NTF3: variants seen among roughly 807,000 people sequenced by gnomAD.
The protein encoded by NTF3 is neurotrophin-3.
In NTF3, 8 loss-of-function variants were observed where a neutral mutation model predicts 26.3. That is an observed-to-expected ratio of 0.30 (90% CI 0.18 to 0.55). The LOEUF (loss-of-function observed/expected upper bound fraction) is 0.55. NTF3 is among the 20% of genes least tolerant of loss of function. The pLI is 0.93. For synonymous variants in NTF3, 154 were observed against 145.5 expected, an observed-to-expected ratio of 1.06 and a Z score of -0.42; for missense variants, 276 against 352.9, an observed-to-expected ratio of 0.78 and a Z score of 1.75.
rs1369271933 is a variant in NTF3 at position 5,494,194 on chromosome 12, A to C, written c.19A>C (p.Ile7Leu). The change falls in exon 2 of 2, where the codon ATC (isoleucine) becomes CTC (leucine). Residue 7 changes from isoleucine (I) to leucine (L), a missense_variant and splice_region_variant. Ile to Leu is a conservative substitution (Grantham distance 5). Around this residue, in one of 3 missense-constraint regions of NTF3, gnomAD observed 221 missense variants for 258.2 expected, o/e 0.86. Transcript: ENST00000423158. This position sits in a 1 kb window ranked among gnomAD's most constrained non-coding sequence, Gnocchi z 8.3. MVTFAT[I>L]LQVNKVMSIL... ...CTTAACACCTGTGTTTCCTTTTCAGATCTTACAGGTGAACAAGGTGATGTC... is the reference window on the plus strand; with the variant it reads ...CTTAACACCTGTGTTTCCTTTTCAGCTCTTACAGGTGAACAAGGTGATGTC... 4.3e-6 allele frequency: 7 copies of C among 1,611,824 alleles called. No individual in the cohort carries two copies. Among genetic ancestry groups the C allele is most frequent in the Admixed American group, 1.7e-5 (1 of 59,994 alleles).
intron 1 of NTF3, among the ~76,000 whole-genome samples, chr12:5,484,921 A>G (rs1940850238): frequency 6.6e-6 from 1 of 152,256 alleles, no homozygotes; most frequent in Non-Finnish European, 1.5e-5. Context: ...AGATCAAAAC[A>G]GGGGATGTGC....
chr12:5,452,725 G>C (rs1263222873), intron 1 of NTF3, among the ~76,000 whole-genome samples: 1 of 152,204 alleles, frequency 6.6e-6, no homozygotes, highest in Non-Finnish European at 1.5e-5. Context: ...TGGCCTGTGT[G>C]TACTCACGCA....
Position 5,494,975 on chromosome 12 carries a change from T to C in NTF3, c.800T>C (p.Ile267Thr), listed in dbSNP as rs568934166. The stretch of plus-strand genomic sequence containing the variant: ...TGTGTGTGTGCCTTGTCGAGAAAAA[T>C]CGGAAGAACATGAATTGGCATCTCT... The part of the protein sequence containing the change: ...TSCVCALSRK[I>T]GRT Residue 267 changes from isoleucine (I) to threonine (T), a missense_variant, in exon 2 of 2, where the codon ATC (isoleucine) becomes ACC (threonine). Coordinates refer to ENST00000423158, the MANE Select transcript of NTF3 (RefSeq NM_001102654.2). The surrounding 1 kb of genome is among the most constrained non-coding windows in gnomAD (Gnocchi z 8.3). 1 of 1,613,874 alleles carries C rather than the reference T, an allele frequency of 6.2e-7. No homozygotes were observed. Among genetic ancestry groups the C allele is most frequent in the East Asian group, 2.2e-5 (1 of 44,872 alleles).
At chr12:5,491,462 T>A (rs1940935211) in intron 1 of NTF3, among the ~76,000 whole-genome samples, 1 of 152,082 alleles carries the variant, frequency 6.6e-6, no homozygotes, top group Non-Finnish European at 1.5e-5. Flanking sequence ...CAGGCTGAGG[T>A]TGCAAGGAAG....
chr12:5,449,741 A>G (rs1940350324), intron 1 of NTF3, among the ~76,000 whole-genome samples: 6 of 152,230 alleles, frequency 3.9e-5, no homozygotes, highest in Non-Finnish European at 8.8e-5. Flanking sequence ...TCCAACAGTA[A>G]GCTACTGGTT....
At chr12:5,443,228 C>T (rs1277841889) in intron 1 of NTF3, among the ~76,000 whole-genome samples, 1 of 152,160 alleles carries the variant, frequency 6.6e-6, no homozygotes, top group South Asian at 2.1e-4. Context: ...TCCGCATCCT[C>T]AAAGCAAGGC....
At chr12:5,489,171 A>G (rs566732642) in intron 1 of NTF3, among the ~76,000 whole-genome samples, 41 of 152,190 alleles carry the variant, frequency 2.7e-4, no homozygotes, top group Admixed American at 3.9e-4. Flanking sequence ...GGGTGAGGGA[A>G]TTGGATTGTG....
intron 1 of NTF3, among the ~76,000 whole-genome samples, chr12:5,481,043 C>G (rs1031428786): frequency 6.6e-6 from 1 of 152,008 alleles, no homozygotes; most frequent in African/African-American, 2.4e-5. Context: ...GTGTGGGTGG[C>G]GGGGTAGGGA....
chr12:5,471,605 C>G (rs1247752929), intron 1 of NTF3, among the ~76,000 whole-genome samples: 1 of 151,328 alleles, frequency 6.6e-6, no homozygotes, highest in Non-Finnish European at 1.5e-5. Context: ...AGGGGCTCTT[C>G]TTTGGAGATA....
chr12:5,440,413 T>C (rs1940222356), intron 1 of NTF3, among the ~76,000 whole-genome samples: 3 of 152,188 alleles, frequency 2.0e-5, no homozygotes, highest in Admixed American at 6.5e-5. Flanking sequence ...GACCCCAGCA[T>C]TTAAAAATAT....
At chr12:5,431,488 C>G (rs946731083), upstream of NTF3, among the ~76,000 whole-genome samples, 1 of 152,068 alleles carries the variant, frequency 6.6e-6, no homozygotes, top group Non-Finnish European at 1.5e-5. Flanking sequence ...GGGTGCGGGT[C>G]CCCGGGAGCG....
chr12:5,441,899 A>G (rs10774327), intron 1 of NTF3, among the ~76,000 whole-genome samples: 121,686 of 152,172 alleles, frequency 0.8, 48,833 homozygotes, highest in East Asian at 0.91. Context: ...TCTTCCCCAC[A>G]TCTTAGCCTG....
chr12:5,434,583 G>A (rs529334032), intron 1 of NTF3, among the ~76,000 whole-genome samples: 3 of 151,558 alleles, frequency 2.0e-5, no homozygotes, highest in Admixed American at 6.6e-5. Context: ...GGAGTCTGTC[G>A]GATGGGCATC....
chr12:5,494,494 C>G lies in NTF3; in HGVS notation c.319C>G (p.Arg107Gly), dbSNP rs1374343544. ...GATTGCAATGGACACCGAACTGCTGCGACAACAGAGACGCTACAACTCACC... is the reference window on the plus strand; with the variant it reads ...GATTGCAATGGACACCGAACTGCTGGGACAACAGAGACGCTACAACTCACC... ...PVIAMDTELL[R>G]QQRRYNSPRV... is the part of the protein sequence containing the mutation. Residue 107 changes from arginine to glycine, a missense_variant, in exon 2 of 2, where the codon CGA becomes GGA. Around this residue, in one of 3 missense-constraint regions of NTF3, gnomAD observed 221 missense variants for 258.2 expected, o/e 0.86. Transcript: ENST00000423158. This position sits in a 1 kb window ranked among gnomAD's most constrained non-coding sequence, Gnocchi z 8.3. 6.2e-6 allele frequency: 10 copies of G among 1,613,722 alleles called. No individual in the cohort carries two copies. Among genetic ancestry groups the G allele is most frequent in the Non-Finnish European group, 6.8e-6 (8 of 1,180,028 alleles).
chr12:5,491,174 G>T (rs1040423228), intron 1 of NTF3, among the ~76,000 whole-genome samples: 1 of 152,156 alleles, frequency 6.6e-6, no homozygotes, highest in African/African-American at 2.4e-5. Context: ...GCAGGCCTCC[G>T]TTCCCTTATA....
chr12:5,488,056 T>C (rs576305003), intron 1 of NTF3, among the ~76,000 whole-genome samples: 1 of 152,236 alleles, frequency 6.6e-6, no homozygotes, highest in African/African-American at 2.4e-5. Context: ...GTGAATGAGG[T>C]GGAGGACACA....
chr12:5,480,493 C>T (rs2121231244), intron 1 of NTF3, among the ~76,000 whole-genome samples: 1 of 152,320 alleles, frequency 6.6e-6, no homozygotes, highest in Admixed American at 6.5e-5. Context: ...CTCCCTGCAG[C>T]TGTTGGCGGC....
At chr12:5,465,078 G>A (rs1372599352) in intron 1 of NTF3, among the ~76,000 whole-genome samples, 2 of 152,198 alleles carry the variant, frequency 1.3e-5, no homozygotes, top group African/African-American at 4.8e-5. Flanking sequence ...ATTTCCAGAT[G>A]TGGAGGCTGA....
chr12:5,494,772 C>T lies in NTF3; in HGVS notation c.597C>T (p.Val199=). The T allele has an allele frequency of 6.2e-7, 1 of 1,614,132 alleles. No individual in the cohort carries two copies. Among genetic ancestry groups the T allele is most frequent in the South Asian group, 1.1e-5 (1 of 91,072 alleles). ...AGATCAAAACGGGCAACTCTCCCGT[C>T]AAACAATATTTTTATGAAACGCGAT... The part of the protein sequence containing the change: ...LGEIKTGNSP[V]KQYFYETRCK... The change falls in exon 2 of 2, where the codon GTC becomes GTT. Residue 199 remains valine (V), a synonymous_variant. Coordinates refer to ENST00000423158, the MANE Select transcript of NTF3 (RefSeq NM_001102654.2). This position sits in a 1 kb window ranked among gnomAD's most constrained non-coding sequence, Gnocchi z 8.3.
Sources: gnomAD v4.1 joint callset for allele counts (sites outside exome capture counted in the v4.1 genomes callset) on GRCh38, gnomAD v4.1.1 for gene constraint, gnomAD v4.1.1 regional missense constraint, Gnocchi (gnomAD v3.1) non-coding constraint, MANE v1.5 for transcripts, NCBI Gene and HGNC (gene_info 2026-07-23, HGNC 2026-07-21) for gene names.